The following NDUFV1 variants were observed in gnomAD, a reference collection of about 807,000 sequenced individuals.
NDUFV1 encodes the protein NADH:ubiquinone oxidoreductase core subunit V1.
In NDUFV1, 41 loss-of-function variants were observed where a neutral mutation model predicts 48.7. That is an observed-to-expected ratio of 0.84 (90% CI 0.66 to 1.09). The LOEUF (loss-of-function observed/expected upper bound fraction) is 1.09, where lower values mean the gene tolerates loss of function less well. Among genes scored for constraint, NDUFV1 ranks in the 50% least tolerant of loss-of-function variants. NDUFV1 has a pLI of 0.00. For missense variants in NDUFV1, 580 were observed against 645.4 expected (o/e 0.90, Z 1.10); for synonymous variants, 231 against 259.1 (o/e 0.89, Z 1.04).
intron 1 of NDUFV1, chr11:67,607,481 C>T (rs1431358325): frequency 4.3e-6 from 2 of 469,780 alleles, no homozygotes; most frequent in Admixed American, 4.7e-5. Context: ...GATGGGAATC[C>T]CGTCGCCCTC....
rs772064397 is a variant in NDUFV1, at chr11:67,608,361, A to G, written c.73-35A>G. The G allele has an allele frequency of 2.5e-6, 4 of 1,583,934 alleles. No individual in the cohort carries two copies. The Admixed American group carries it at 6.7e-5, about 26-fold the overall frequency. On this transcript the variant is annotated intron_variant, in intron 1 of 9. Coordinates refer to ENST00000322776, the MANE Select transcript of NDUFV1 (RefSeq NM_007103.4). The stretch of plus-strand genomic sequence containing the variant: ...CTGGCCCAATCCCTCATGGCCCCAG[A>G]GCACTCTGGGCCTCCTGACCCTTTG...
rs749979916 is a variant in NDUFV1, at chr11:67,610,527, G to C, written c.657G>C (p.Lys219Asn). 1.9e-6 allele frequency: 3 copies of C among 1,614,216 alleles called. No homozygotes were observed. Among genetic ancestry groups the C allele is most frequent in the Non-Finnish European group, 2.5e-6 (3 of 1,180,014 alleles). Reference protein sequence around the residue: ...ETALIESIEGKQGKPRLKPPF... With the variant: ...ETALIESIEGNQGKPRLKPPF... The stretch of plus-strand genomic sequence containing the variant: ...CGCTCATCGAGTCCATTGAGGGCAA[G>C]CAGGGCAAGCCCCGCCTGAAGCCCC... The change falls in exon 5 of 10, where the codon AAG becomes AAC. Residue 219 changes from lysine to asparagine, a missense_variant. Lys to Asn is a moderately conservative substitution (Grantham distance 94, BLOSUM62 0). Coordinates refer to ENST00000322776, the MANE Select transcript of NDUFV1 (RefSeq NM_007103.4).
chr11:67,610,583 G>GT lies in NDUFV1; in HGVS notation c.700+14dup, dbSNP rs1854894893. 6.2e-7 allele frequency: 1 copy of GT among 1,613,174 alleles called. No homozygotes were observed. The highest frequency in any genetic ancestry group is 1.1e-5 in the South Asian group (1 of 91,022). On this transcript the variant is annotated intron_variant, in intron 5 of 9. Coordinates refer to ENST00000322776, the MANE Select transcript of NDUFV1 (RefSeq NM_007103.4). Reference sequence around the variant, plus strand: ...CCCGCAGACGTGGGTAAGGCCTGGCGTAACCCTGGGTCAGACTGTGTCCTG... The same window carrying GT: ...CCCGCAGACGTGGGTAAGGCCTGGCGTTAACCCTGGGTCAGACTGTGTCCTG...
rs1389050395 is a variant in NDUFV1, at chr11:67,610,448, T to C, written c.578T>C (p.Phe193Ser). 6.2e-7 allele frequency: 1 copy of C among 1,614,076 alleles called. No homozygotes were observed. The highest frequency in any genetic ancestry group is 8.5e-7 in the Non-Finnish European group (1 of 1,180,040). The change falls in exon 5 of 10, where the codon TTT (phenylalanine) becomes TCT (serine). Residue 193 changes from phenylalanine (F) to serine (S), a missense_variant. Coordinates refer to ENST00000322776, the MANE Select transcript of NDUFV1 (RefSeq NM_007103.4). ...GKNACGSGYD[F>S]DVFVVRGAGA... ...AATGCTTGTGGCTCTGGCTATGATT[T>C]TGACGTGTTTGTGGTGCGCGGGGCT...
In NDUFV1 at chr11:67,608,683, G is replaced by A; in HGVS notation, c.287G>A (p.Gly96Asp). The A allele has an allele frequency of 1.9e-6, 3 of 1,614,078 alleles. No individual in the cohort carries two copies. The highest frequency in any genetic ancestry group is 1.7e-6 in the Non-Finnish European group (2 of 1,179,978). Reference protein sequence around the residue: ...RGRGGAGFPTGLKWSFMNKPS... With the variant: ...RGRGGAGFPTDLKWSFMNKPS... Reference sequence around the variant, plus strand: ...CGTGGAGGCGCTGGCTTCCCCACTGGCCTCAAGTGGAGCTTCATGAATAAG... The same window carrying A: ...CGTGGAGGCGCTGGCTTCCCCACTGACCTCAAGTGGAGCTTCATGAATAAG... Residue 96 changes from glycine (G) to aspartate (D), a missense_variant, in exon 3 of 10, where the codon GGC (glycine) becomes GAC (aspartate). Coordinates refer to ENST00000322776, the MANE Select transcript of NDUFV1 (RefSeq NM_007103.4).
intron 4 of NDUFV1, 139 bp from the exon 5 acceptor site, chr11:67,610,242 C>G: frequency 1.0e-6 from 1 of 953,634 alleles, no homozygotes; most frequent in Middle Eastern, 2.4e-4. Flanking sequence ...ATTCGTTTTA[C>G]TAAGCTAGCA....
Position 67,610,495 on chromosome 11 carries a change from G to C in NDUFV1, c.625G>C (p.Glu209Gln). 1 of 1,614,186 alleles carries C rather than the reference G, an allele frequency of 6.2e-7. No individual in the cohort carries two copies. The highest frequency in any genetic ancestry group is 8.5e-7 in the Non-Finnish European group (1 of 1,180,016). The change falls in exon 5 of 10, where the codon GAG (glutamate) becomes CAG (glutamine). Residue 209 changes from glutamate to glutamine, a missense_variant. By Grantham distance (29) the Glu-to-Gln change is conservative (BLOSUM62 2). Coordinates refer to ENST00000322776, the MANE Select transcript of NDUFV1 (RefSeq NM_007103.4). Reference sequence around the variant, plus strand: ...GGCTGGGGCCTACATCTGTGGAGAGGAGACAGCGCTCATCGAGTCCATTGA... The same window carrying C: ...GGCTGGGGCCTACATCTGTGGAGAGCAGACAGCGCTCATCGAGTCCATTGA... Reference protein sequence around the residue: ...RGAGAYICGEETALIESIEGK... With the variant: ...RGAGAYICGEQTALIESIEGK...
Position 67,612,418 on chromosome 11 carries a change from G to C in NDUFV1, c.1355G>C (p.Arg452Pro), listed in dbSNP as rs368184231. Residue 452 changes from arginine to proline, a missense_variant, in exon 10 of 10, where the codon CGG (arginine) becomes CCG (proline). Coordinates refer to ENST00000322776, the MANE Select transcript of NDUFV1 (RefSeq NM_007103.4). The surrounding 1 kb of genome is among the most constrained non-coding windows in gnomAD (Gnocchi z 4.4). ...FRPELEERMQ[R>P]FAQQHQARQA... ...CCGGAGCTCGAGGAGCGGATGCAGCGGTTTGCCCAGCAGCATCAGGCCCGG... is the reference window on the plus strand; with the variant it reads ...CCGGAGCTCGAGGAGCGGATGCAGCCGTTTGCCCAGCAGCATCAGGCCCGG... The C allele has an allele frequency of 1.2e-6, 2 of 1,612,548 alleles. No homozygotes were observed. Among genetic ancestry groups the C allele is most frequent in the Admixed American group, 1.7e-5 (1 of 60,030 alleles).
chr11:67,610,134 T>C (rs572221228), intron 4 of NDUFV1: 1 of 564,696 alleles, frequency 1.8e-6, no homozygotes, highest in East Asian at 3.1e-5. Flanking sequence ...TTAGGAGACC[T>C]GATAGTAGCT....
intron 1 of NDUFV1, chr11:67,607,657 C>G (rs536152653): frequency 5.6e-6 from 2 of 356,698 alleles, no homozygotes; most frequent in African/African-American, 4.3e-5. Flanking sequence ...AAGTTTTGGT[C>G]CAGCAGGGGA....
intron 1 of NDUFV1, chr11:67,607,368 T>C (rs1854826667): frequency 1.6e-6 from 1 of 610,378 alleles, no homozygotes; most frequent in South Asian, 1.5e-5. Context: ...TGTCACAGCC[T>C]TGTAGGGCGT....
In NDUFV1 at chr11:67,612,066, C is replaced by A. The variant is rs1854927715; in HGVS notation, c.1163-54C>A. Reference sequence around the variant, plus strand: ...GTGGCCTGCAGCCCTCAAGCGCCGCCCCACATCCTGGCTGGGGAGATCATC... The same window carrying A: ...GTGGCCTGCAGCCCTCAAGCGCCGCACCACATCCTGGCTGGGGAGATCATC... On this transcript the variant is annotated intron_variant, in intron 8 of 9. Coordinates refer to ENST00000322776, the MANE Select transcript of NDUFV1 (RefSeq NM_007103.4). This position sits in a 1 kb window ranked among gnomAD's most constrained non-coding sequence, Gnocchi z 4.4. 6.2e-7 allele frequency: 1 copy of A among 1,613,556 alleles called. No individual in the cohort carries two copies. The highest frequency in any genetic ancestry group is 8.5e-7 in the Non-Finnish European group (1 of 1,179,980).
Position 67,612,471 on chromosome 11 carries a change from G to A in NDUFV1, c.*13G>A, listed in dbSNP as rs1446656890. On this transcript the variant is annotated 3_prime_UTR_variant, in exon 10 of 10. Coordinates refer to ENST00000322776, the MANE Select transcript of NDUFV1 (RefSeq NM_007103.4). The surrounding 1 kb of genome is among the most constrained non-coding windows in gnomAD (Gnocchi z 4.4). ...GGCTGCCTCTTAGCCCACCACCCTGGCCTGCTGTCCTGCGTCTATCCATGT... is the reference window on the plus strand; with the variant it reads ...GGCTGCCTCTTAGCCCACCACCCTGACCTGCTGTCCTGCGTCTATCCATGT... 1 of 1,609,500 alleles carries A rather than the reference G, an allele frequency of 6.2e-7. No individual in the cohort carries two copies. The highest frequency in any genetic ancestry group is 2.2e-5 in the East Asian group (1 of 44,720).
intron 3 of NDUFV1, 68 bp from the exon 4 acceptor site, chr11:67,609,384 G>A (rs1247740292): frequency 3.9e-6 from 6 of 1,529,548 alleles, no homozygotes; most frequent in Non-Finnish European, 5.4e-6. Context: ...GGGTGGAGTG[G>A]GGTGGCATGG....
chr11:67,607,124 G>A, intron 1 of NDUFV1, 48 bp downstream of exon 1: 1 of 1,562,000 alleles, frequency 6.4e-7, no homozygotes, highest in Non-Finnish European at 8.7e-7. Context: ...GCCGGGTGTC[G>A]CGGCCGCGCC....
chr11:67,607,338 CT>C lies in NDUFV1; in HGVS notation c.72+263del, dbSNP rs1254974831. The C allele has an allele frequency of 1.7e-5, 11 of 666,300 alleles. No individual in the cohort carries two copies. The Admixed American group carries it at 1.8e-4, about 11-fold the overall frequency. 41.3% of individuals were successfully genotyped at this position (666,300 alleles called of 1,614,324 possible). A position where few individuals can be genotyped will look rare whatever the true frequency, so the allele number is the denominator to read the frequency against. ...GAAGTTTTGCAGGTTGTGAAGACCC[CT>C]AGTCTTTCATTCTCTCCTTGTCACA... On this transcript the variant is annotated intron_variant, in intron 1 of 9. Transcript: ENST00000322776.
Position 67,611,462 on chromosome 11 carries a change from C to T in NDUFV1, c.973C>T (p.Pro325Ser), listed in dbSNP as rs1481421987. 6.2e-7 allele frequency: 1 copy of T among 1,614,032 alleles called. No individual in the cohort carries two copies. Among genetic ancestry groups the T allele is most frequent in the Non-Finnish European group, 8.5e-7 (1 of 1,180,008 alleles). ...TGTGATCCCTGGCGGCTCGTCTACC[C>T]CACTGATCCCCAAGTCTGTGTGTGA... ...LAVIPGGSST[P>S]LIPKSVCETV... Residue 325 changes from proline to serine, a missense_variant, in exon 7 of 10, where the codon CCA becomes TCA. Coordinates refer to ENST00000322776, the MANE Select transcript of NDUFV1 (RefSeq NM_007103.4). The surrounding 1 kb of genome is among the most constrained non-coding windows in gnomAD (Gnocchi z 4.2).
At chr11:67,607,102 C>T in intron 1 of NDUFV1, 26 bp downstream of exon 1, 3 of 1,596,810 alleles carry the variant, frequency 1.9e-6, no homozygotes, top group Non-Finnish European at 8.5e-7. Flanking sequence ...GCTGGGGCCA[C>T]GGGTGTTTGG....
rs772478857 is a variant in NDUFV1 at position 67,612,087 on chromosome 11, TC to T, written c.1163-32del. On this transcript the variant is annotated intron_variant, in intron 8 of 9. Transcript: ENST00000322776. The surrounding 1 kb of genome is among the most constrained non-coding windows in gnomAD (Gnocchi z 4.4). The stretch of plus-strand genomic sequence containing the variant: ...CCGCCCCACATCCTGGCTGGGGAGA[TC>T]ATCAGGCCCTCTCTTGTGGCTGTGG... The T allele has an allele frequency of 3.1e-6, 5 of 1,612,662 alleles. No individual in the cohort carries two copies. The highest frequency in any genetic ancestry group is 8.5e-7 in the Non-Finnish European group (1 of 1,179,794).
Sources: gnomAD v4.1 joint callset for allele counts on GRCh38, gnomAD v4.1.1 for gene constraint, Gnocchi (gnomAD v3.1) non-coding constraint, MANE v1.5 for transcripts, NCBI Gene and HGNC (gene_info 2026-07-23, HGNC 2026-07-21) for gene names.